Variants in ZNF26 observed in about 807,000 individuals in gnomAD.
The protein encoded by ZNF26 is zinc finger protein 26.
ZNF26 carries 32 observed loss-of-function variants against 54.9 expected under a neutral mutation model. The observed-to-expected ratio is 0.58, with a 90% CI of 0.44 to 0.78. The LOEUF (loss-of-function observed/expected upper bound fraction) is 0.78. ZNF26 is among the 30% of genes least tolerant of loss of function. The pLI, the probability that ZNF26 is intolerant of heterozygous loss-of-function variation, is 0.00. For missense variants in ZNF26, 524 were observed against 634.0 expected, an observed-to-expected ratio of 0.83 and a Z score of 1.86; for synonymous variants, 221 against 209.2, an observed-to-expected ratio of 1.06 and a Z score of -0.49.
chr12:133,024,222 A>T lies in ZNF26; in HGVS notation c.*12741A>T, dbSNP rs1254259555. On this transcript the variant is annotated 3_prime_UTR_variant, in exon 4 of 4. Coordinates refer to ENST00000328654, the MANE Select transcript of ZNF26 (RefSeq NM_019591.4). ...GCAGAATCTGAAAGGCCCTTGAGTA[A>T]AATATCAGTAAAACCCAGTGGGCTT... 6.6e-6 allele frequency: 1 copy of T among 152,350 alleles called. No homozygotes were observed. The highest frequency in any genetic ancestry group is 1.9e-4 in the East Asian group (1 of 5,180). The allele number at this position is 152,350 out of a possible 1,614,324, so 9.4% of individuals were successfully genotyped here. A position where few individuals can be genotyped will look rare whatever the true frequency, so the allele number is the denominator to read the frequency against.
In ZNF26 at chr12:133,012,604, T is replaced by TTTTTTTTTTTTTTTTTTTTTTTTTTTTTC. The variant is rs1953505751; in HGVS notation, c.*1128_*1129insTTTTTTTTTTTTTTTTTTTTTTTCTTTTT. 7.3e-6 allele frequency: 1 copy of TTTTTTTTTTTTTTTTTTTTTTTTTTTTTC among 137,892 alleles called. No individual in the cohort carries two copies. Among genetic ancestry groups the TTTTTTTTTTTTTTTTTTTTTTTTTTTTTC allele is most frequent in the African/African-American group, 2.8e-5 (1 of 35,620 alleles). The allele number at this position is 137,892 out of a possible 1,614,324, so 8.5% of individuals were successfully genotyped here. ...TTTTTTTTTTTTTTTTTTTTTTTTT[T>TTTTTTTTTTTTTTTTTTTTTTTTTTTTTC]TTTTTGAGACTAAGTTTCACTCTTG... is the stretch of plus-strand genomic sequence containing the variant. On this transcript the variant is annotated 3_prime_UTR_variant, in exon 4 of 4. Coordinates refer to ENST00000328654, the MANE Select transcript of ZNF26 (RefSeq NM_019591.4).
rs750384491 is a variant in ZNF26, at chr12:133,027,041, C to T, written c.*15560C>T. On this transcript the variant is annotated 3_prime_UTR_variant, in exon 4 of 4. Coordinates refer to ENST00000328654, the MANE Select transcript of ZNF26 (RefSeq NM_019591.4). ...AACACCTTTTTACGATTATAAACCCCTCAGCAAACATACTTCAAGCAGAAC... is the reference window on the plus strand; with the variant it reads ...AACACCTTTTTACGATTATAAACCCTTCAGCAAACATACTTCAAGCAGAAC... 1.4e-4 allele frequency: 22 copies of T among 152,096 alleles called. No individual in the cohort carries two copies. The highest frequency in any genetic ancestry group is 2.9e-4 in the Non-Finnish European group (20 of 68,018). 9.4% of individuals were successfully genotyped at this position (152,096 alleles called of 1,614,324 possible).
rs766351582 is a variant in ZNF26 at position 133,006,446 on chromosome 12, C to A, written c.34-596C>A. The A allele has an allele frequency of 5.7e-3, 1,424 of 249,886 alleles. 23 individuals carry two copies. The highest frequency in any genetic ancestry group is 0.031 in the African/African-American group (1,326 of 43,220). 15.5% of individuals were successfully genotyped at this position (249,886 alleles called of 1,614,324 possible). A position where few individuals can be genotyped will look rare whatever the true frequency, so the allele number is the denominator to read the frequency against. ...GGATGTTTTTACCAAGGACTCAGAA[C>A]ACCTTATTTTGTTTGCATGTATAAA... On this transcript the variant is annotated intron_variant, in intron 1 of 3. Coordinates refer to ENST00000328654, the MANE Select transcript of ZNF26 (RefSeq NM_019591.4).
At position 133,026,476 on chromosome 12, in the gene ZNF26, T is replaced by C. The variant is rs1029202307; in HGVS notation, c.*14995T>C. 6.6e-6 allele frequency: 1 copy of C among 150,632 alleles called. No individual in the cohort carries two copies. The highest frequency in any genetic ancestry group is 2.4e-5 in the African/African-American group (1 of 40,848). 9.3% of individuals were successfully genotyped at this position (150,632 alleles called of 1,614,324 possible). ...TGAGGTGTTCTGTTATGTAGAAGAG[T>C]GACTGGACCAACCCATAAAAAGGAC... On this transcript the variant is annotated 3_prime_UTR_variant, in exon 4 of 4. Transcript: ENST00000328654.
At chr12:132,991,381 C>T (rs1952951166) in intron 1 of ZNF26, among the ~76,000 whole-genome samples, 1 of 151,722 alleles carries the variant, frequency 6.6e-6, no homozygotes, top group African/African-American at 2.4e-5. Flanking sequence ...ACCTGTAATC[C>T]CAGCTGCTCA....
chr12:133,008,153 T>C (rs1416879898), intron 3 of ZNF26, among the ~76,000 whole-genome samples: 2 of 152,202 alleles, frequency 1.3e-5, no homozygotes, highest in Non-Finnish European at 2.9e-5. Flanking sequence ...TCTTTGGCAC[T>C]TGAGTCCTGG....
intron 1 of ZNF26, among the ~76,000 whole-genome samples, chr12:132,996,442 T>G (rs1953086413): frequency 1.3e-5 from 2 of 152,228 alleles, no homozygotes; most frequent in Non-Finnish European, 2.9e-5. Flanking sequence ...AGGTCTCTGG[T>G]GTTTTAAAAA....
At chr12:133,005,677 GGCCCCTATGATGGGATTAGTA>G (rs1953309658) in intron 1 of ZNF26, 1 of 152,150 alleles carries the variant, frequency 6.6e-6, no homozygotes, top group African/African-American at 2.4e-5. Context: ...ATCAGGGCAG[GGCCCCTATGATGGGATTAGTA>G]GCCTTAAAAG....
intron 1 of ZNF26, among the ~76,000 whole-genome samples, chr12:132,991,438 C>T (rs1315473280): frequency 1.3e-5 from 2 of 151,640 alleles, no homozygotes; most frequent in Admixed American, 1.3e-4. Flanking sequence ...GCAGAGGTTG[C>T]AGTAAGCCAA....
At chr12:133,004,734 C>G (rs1014533880) in intron 1 of ZNF26, 1 of 152,258 alleles carries the variant, frequency 6.6e-6, no homozygotes, top group African/African-American at 2.4e-5. Flanking sequence ...ATCCTCCCGC[C>G]TCAGCCTCCC....
At chr12:133,007,385 G>T in intron 2 of ZNF26, 52 bp from the exon 3 acceptor site, 1 of 1,488,540 alleles carries the variant, frequency 6.7e-7, no homozygotes, top group Non-Finnish European at 9.2e-7. Flanking sequence ...TTGATTCCTC[G>T]GTCCTGTCCC....
In ZNF26 at chr12:133,007,126, A is replaced by C; in HGVS notation, c.118A>C (p.Arg40=). ...LLDSTQKYLY[R]DVILENYHNL... ...GGATTCTACACAGAAGTACCTGTAC[A>C]GAGATGTGATATTGGAAAACTATCA... The change falls in exon 2 of 4, where the codon AGA becomes CGA. Residue 40 remains arginine, a synonymous_variant. Transcript: ENST00000328654. 1 of 1,614,162 alleles carries C rather than the reference A, an allele frequency of 6.2e-7. No individual in the cohort carries two copies. Among genetic ancestry groups the C allele is most frequent in the Non-Finnish European group, 8.5e-7 (1 of 1,179,968 alleles).
At chr12:132,998,696 A>G (rs993835296) in intron 1 of ZNF26, among the ~76,000 whole-genome samples, 74 of 152,180 alleles carry the variant, frequency 4.9e-4, no homozygotes, top group Non-Finnish European at 8.5e-4. Context: ...AGTCTTTCCA[A>G]GGGGCTTTTT....
chr12:132,998,681 A>G (rs1953145221), intron 1 of ZNF26, among the ~76,000 whole-genome samples: 1 of 152,236 alleles, frequency 6.6e-6, no homozygotes, highest in African/African-American at 2.4e-5. Context: ...ACAAGGTACC[A>G]GGCGAGTCTT....
At chr12:133,005,366 C>G (rs1953302791) in intron 1 of ZNF26, 1 of 152,132 alleles carries the variant, frequency 6.6e-6, no homozygotes, top group Non-Finnish European at 1.5e-5. Context: ...CCACGCCTGG[C>G]TAATTTTTGT....
rs1282369169 is a variant in ZNF26, at chr12:133,010,270, C to T, written c.391C>T (p.Arg131Cys). ...TTCAAGACAGAGACTCTATAACACA[C>T]GTGGAAAAAGTTTGACACAAAACTC... ...DSSRQRLYNT[R>C]GKSLTQNSAP... Residue 131 changes from arginine to cysteine, a missense_variant, in exon 4 of 4, where the codon CGT (arginine) becomes TGT (cysteine). Coordinates refer to ENST00000328654, the MANE Select transcript of ZNF26 (RefSeq NM_019591.4). 5.2e-5 allele frequency: 84 copies of T among 1,613,838 alleles called. No homozygotes were observed. Among genetic ancestry groups the T allele is most frequent in the East Asian group, 2.2e-4 (10 of 44,858 alleles).
chr12:133,022,469 A>AAT lies in ZNF26; in HGVS notation c.*10992_*10993dup, dbSNP rs1159126360. Reference sequence around the variant, plus strand: ...CTGGTGATAACATTGAACAGAACTTAATATACACACATACAAAGTATAAGT... The same window carrying AAT: ...CTGGTGATAACATTGAACAGAACTTAATATATACACACATACAAAGTATAAGT... On this transcript the variant is annotated 3_prime_UTR_variant, in exon 4 of 4. Transcript: ENST00000328654. The AAT allele has an allele frequency of 3.4e-5, 1 of 29,164 alleles. No individual in the cohort carries two copies. Among genetic ancestry groups the AAT allele is most frequent in the Non-Finnish European group, 1.0e-4 (1 of 10,018 alleles). 1.8% of individuals were successfully genotyped at this position (29,164 alleles called of 1,614,324 possible).
chr12:133,016,032 G>A lies in ZNF26; in HGVS notation c.*4551G>A, dbSNP rs1269820471. The A allele has an allele frequency of 6.6e-6, 1 of 150,866 alleles. No individual in the cohort carries two copies. The highest frequency in any genetic ancestry group is 1.5e-5 in the Non-Finnish European group (1 of 67,860). 9.3% of individuals were successfully genotyped at this position (150,866 alleles called of 1,614,324 possible). ...TGGCTTTTGGTTTTGTGAGTGTCTT[G>A]AAGATCTAAGGTTTATTGTGAAAAA... On this transcript the variant is annotated 3_prime_UTR_variant, in exon 4 of 4. Transcript: ENST00000328654.
Position 133,016,961 on chromosome 12 carries a change from T to C in ZNF26, c.*5480T>C, listed in dbSNP as rs2137274263. ...AGCAACAGTAAAAATCAGAAGACAG[T>C]AAAAGAATGTCTTCAATGTTCTGAA... On this transcript the variant is annotated 3_prime_UTR_variant, in exon 4 of 4. Coordinates refer to ENST00000328654, the MANE Select transcript of ZNF26 (RefSeq NM_019591.4). The C allele has an allele frequency of 6.6e-6, 1 of 152,208 alleles. No individual in the cohort carries two copies. The highest frequency in any genetic ancestry group is 1.9e-4 in the East Asian group (1 of 5,180). The allele number at this position is 152,208 out of a possible 1,614,324, so 9.4% of individuals were successfully genotyped here. A position where few individuals can be genotyped will look rare whatever the true frequency, so the allele number is the denominator to read the frequency against.
Sources: allele counts gnomAD v4.1 joint callset (sites outside exome capture counted in the v4.1 genomes callset), GRCh38; gene constraint gnomAD v4.1.1; transcripts MANE v1.5; gene names NCBI Gene and HGNC (gene_info 2026-07-23, HGNC 2026-07-21).